Variants in PTPN4 observed in about 807,000 individuals in gnomAD.
The protein encoded by PTPN4 is protein tyrosine phosphatase non-receptor type 4.
Under a neutral mutation model 135.5 loss-of-function variants are expected in PTPN4, and 49 were observed. That is an observed-to-expected ratio of 0.36 (90% CI 0.29 to 0.46). The LOEUF (loss-of-function observed/expected upper bound fraction) is 0.46, where lower values mean the gene tolerates loss of function less well. Ranked by LOEUF, PTPN4 falls within the 20% of genes least tolerant of loss-of-function variation. PTPN4 has a pLI of 1.00. For synonymous variants in PTPN4, 333 were observed against 369.9 expected (o/e 0.90, Z 1.14); for missense variants, 860 against 1,101.0 (o/e 0.78, Z 3.10).
chr2:119,984,382 TACAA>T lies in PTPN4; in HGVS notation c.*7313_*7316del, dbSNP rs1679735497. Among the ~76,000 whole-genome samples, 1 of 152,202 alleles carries T rather than the reference TACAA, an allele frequency of 6.6e-6. No homozygotes were observed. The highest frequency in any genetic ancestry group is 1.5e-5 in the Non-Finnish European group (1 of 68,032). ...AGTCTAGCTTATGTCATAATTAAGATACAATTATTCATTTCATGTTTGATTCTAT... is the reference window on the plus strand; with the variant it reads ...AGTCTAGCTTATGTCATAATTAAGATTTATTCATTTCATGTTTGATTCTAT... On this transcript the variant is annotated 3_prime_UTR_variant, in exon 27 of 27. Transcript: ENST00000263708.
At chr2:119,794,149 G>A (rs1044435365) in intron 1 of PTPN4, among the ~76,000 whole-genome samples, 3 of 152,006 alleles carry the variant, frequency 2.0e-5, no homozygotes, top group African/African-American at 7.2e-5. Flanking sequence ...CACCTGGCCA[G>A]ATTTTTTTTT....
chr2:119,769,857 G>A (rs751673111), intron 1 of PTPN4, among the ~76,000 whole-genome samples: 2 of 152,154 alleles, frequency 1.3e-5, no homozygotes, highest in Non-Finnish European at 2.9e-5. Context: ...CATTTTAAAT[G>A]CCATCTTTTG....
At chr2:119,893,689 C>T (rs966089455) in intron 9 of PTPN4, among the ~76,000 whole-genome samples, 22 of 152,244 alleles carry the variant, frequency 1.4e-4, no homozygotes, top group Admixed American at 4.6e-4. Flanking sequence ...CAAGAAGGAG[C>T]AGCCATTCAG....
At chr2:119,896,846 C>T (rs1044777911) in intron 9 of PTPN4, among the ~76,000 whole-genome samples, 1 of 152,060 alleles carries the variant, frequency 6.6e-6, no homozygotes, top group Non-Finnish European at 1.5e-5. Flanking sequence ...AGATTTAATA[C>T]AGTATAATTA....
chr2:119,793,902 T>C (rs1339410012), intron 1 of PTPN4, among the ~76,000 whole-genome samples: 1 of 136,030 alleles, frequency 7.4e-6, no homozygotes, highest in African/African-American at 2.7e-5. Flanking sequence ...TTCACCCAGG[T>C]TGGAGTGCAG....
chr2:119,873,514 A>T (rs1050020896), intron 3 of PTPN4, among the ~76,000 whole-genome samples: 4 of 152,184 alleles, frequency 2.6e-5, no homozygotes, highest in African/African-American at 9.6e-5. Context: ...CAGGGAAAAG[A>T]ATGGGAAATT....
At chr2:119,778,784 G>A (rs547133091) in intron 1 of PTPN4, among the ~76,000 whole-genome samples, 3 of 152,018 alleles carry the variant, frequency 2.0e-5, no homozygotes, top group East Asian at 1.9e-4. Flanking sequence ...TTATCAGGTC[G>A]GTAACAATTG....
In PTPN4 at chr2:119,955,351, C is replaced by A. The variant is rs1679264974; in HGVS notation, c.1980+28C>A. 3 of 1,494,424 alleles carry A rather than the reference C, an allele frequency of 2.0e-6. No homozygotes were observed. The East Asian group carries it at 7.2e-5, about 36-fold the overall frequency. The allele number at this position is 1,494,424 out of a possible 1,614,324, so 92.6% of individuals were successfully genotyped here. On this transcript the variant is annotated intron_variant, in intron 20 of 26. Transcript: ENST00000263708. ...AAGTAATATCATTATATATTAAAAGCATTTTGCTGATATTTGCTAACTAGT... is the reference window on the plus strand; with the variant it reads ...AAGTAATATCATTATATATTAAAAGAATTTTGCTGATATTTGCTAACTAGT...
At chr2:119,915,459 C>G (rs1418506333) in intron 11 of PTPN4, 2 of 308,412 alleles carry the variant, frequency 6.5e-6, no homozygotes, top group Non-Finnish European at 1.2e-5. Context: ...ATTCCTCTTG[C>G]TGTTTCTCGA....
intron 3 of PTPN4, among the ~76,000 whole-genome samples, chr2:119,873,705 A>G (rs1476306381): frequency 6.6e-6 from 1 of 152,216 alleles, no homozygotes; most frequent in Non-Finnish European, 1.5e-5. Context: ...AGATAGTTAT[A>G]GTTTCTAATA....
intron 25 of PTPN4, among the ~76,000 whole-genome samples, chr2:119,967,172 G>T (rs1335762339): frequency 6.6e-6 from 1 of 152,224 alleles, no homozygotes; most frequent in Non-Finnish European, 1.5e-5. Context: ...CAGACCGGGA[G>T]CGGTGGCCCA....
intron 1 of PTPN4, among the ~76,000 whole-genome samples, chr2:119,805,685 C>T (rs913538414): frequency 6.6e-6 from 1 of 152,122 alleles, no homozygotes; most frequent in Non-Finnish European, 1.5e-5. Context: ...TTACTGTAGC[C>T]TTGTAGTATA....
Position 119,900,729 on chromosome 2 carries a change from CAATG to C in PTPN4, c.690_693del (p.Asn230LysfsTer3), listed in dbSNP as rs1678389477. ...CATTTTTTTTGAAGGATCAGAGTAA[CAATG>C]AAATTATGATTGGAGTGATGTCAGG... On this transcript the variant is annotated frameshift_variant, in exon 10 of 27. Coordinates refer to ENST00000263708, the MANE Select transcript of PTPN4 (RefSeq NM_002830.4). LOFTEE classifies it high-confidence loss of function. 6.4e-7 allele frequency: 1 copy of C among 1,570,634 alleles called. No individual in the cohort carries two copies. Among genetic ancestry groups the C allele is most frequent in the African/African-American group, 1.4e-5 (1 of 73,534 alleles).
intron 18 of PTPN4, among the ~76,000 whole-genome samples, chr2:119,947,250 C>T (rs1420705143): frequency 1.3e-5 from 2 of 152,132 alleles, no homozygotes; most frequent in African/African-American, 4.8e-5. Flanking sequence ...CACCTTTTAT[C>T]ATTTAACTGT....
At chr2:119,843,009 A>G (rs1259019073) in intron 2 of PTPN4, among the ~76,000 whole-genome samples, 1 of 152,230 alleles carries the variant, frequency 6.6e-6, no homozygotes, top group Admixed American at 6.5e-5. Context: ...AAAGTTCTCT[A>G]TTACTAACTT....
At chr2:119,877,183 A>G in intron 3 of PTPN4, 140 bp from the exon 4 acceptor site, 1 of 726,102 alleles carries the variant, frequency 1.4e-6, no homozygotes, top group Non-Finnish European at 2.2e-6. Flanking sequence ...ATTGTCTGTA[A>G]TGCAATGATT....
At chr2:119,771,484 T>C (rs1690733209) in intron 1 of PTPN4, 1 of 152,300 alleles carries the variant, frequency 6.6e-6, no homozygotes, top group Non-Finnish European at 1.5e-5. Flanking sequence ...TAGCTGGAGC[T>C]CTCTGCTATC....
At chr2:119,976,450 T>C (rs1351005475) in intron 26 of PTPN4, among the ~76,000 whole-genome samples, 1 of 152,202 alleles carries the variant, frequency 6.6e-6, no homozygotes, top group African/African-American at 2.4e-5. Flanking sequence ...CTTAATAAAA[T>C]AACCTGGAAT....
At chr2:119,775,813 C>G (rs1189971690) in intron 1 of PTPN4, among the ~76,000 whole-genome samples, 2 of 146,684 alleles carry the variant, frequency 1.4e-5, no homozygotes, top group African/African-American at 5.1e-5. Context: ...ATATCTATAT[C>G]TATATCTATA....
Sources: gnomAD v4.1 joint callset for allele counts (sites outside exome capture counted in the v4.1 genomes callset) on GRCh38, gnomAD v4.1.1 for gene constraint, MANE v1.5 for transcripts, NCBI Gene and HGNC (gene_info 2026-07-23, HGNC 2026-07-21) for gene names.